VCL: variants seen among roughly 807,000 people sequenced by gnomAD.
VCL encodes vinculin.
A neutral mutation model predicts 125.7 loss-of-function variants in VCL; 47 were observed. The ratio of observed to expected loss-of-function variants is 0.37; its 90% CI spans 0.30 to 0.48. VCL has a LOEUF of 0.48. Ranked by LOEUF, VCL falls within the 20% of genes least tolerant of loss-of-function variation. The probability of loss-of-function intolerance (pLI) is 0.99; values close to 1 mark genes in which losing one functional copy is unlikely to be tolerated. For missense variants in VCL, 1,069 were observed against 1,455.5 expected (o/e 0.73, Z 4.32); for synonymous variants, 458 against 514.6 (o/e 0.89, Z 1.49).
In VCL at chr10:74,043,077, T is replaced by C; in HGVS notation, c.169-6T>C. On this transcript the variant is annotated splice_region_variant and splice_polypyrimidine_tract_variant and intron_variant, in intron 1 of 21. Transcript: ENST00000211998. ...ATTTGAATTATGATTTTTTTTCCTC[T>C]TGTAGGTTGGAAAAGAGACTGTTCA... 6.2e-7 allele frequency: 1 copy of C among 1,612,314 alleles called. No homozygotes were observed. The highest frequency in any genetic ancestry group is 8.5e-7 in the Non-Finnish European group (1 of 1,178,830).
At chr10:74,024,365 T>C (rs1164555503) in intron 1 of VCL, among the ~76,000 whole-genome samples, 2 of 152,126 alleles carry the variant, frequency 1.3e-5, no homozygotes, top group African/African-American at 2.4e-5. Flanking sequence ...AATCCCAGCA[T>C]TTTGGGAGGC....
intron 18 of VCL, among the ~76,000 whole-genome samples, chr10:74,110,810 A>C (rs1272417203): frequency 6.6e-6 from 1 of 152,164 alleles, no homozygotes; most frequent in African/African-American, 2.4e-5. Context: ...CTTTGTATAA[A>C]TGGTTTGGCT....
intron 5 of VCL, 129 bp downstream of exon 5, chr10:74,072,981 G>GC: frequency 7.3e-7 from 1 of 1,378,048 alleles, no homozygotes; most frequent in Non-Finnish European, 9.8e-7. Context: ...TCACTCTGTT[G>GC]CCAGGCTGGA....
chr10:74,065,840 G>C (rs890556436), intron 2 of VCL, among the ~76,000 whole-genome samples: 20 of 151,936 alleles, frequency 1.3e-4, no homozygotes, highest in Non-Finnish European at 4.4e-5. Context: ...AAAGCAGTTT[G>C]TCATTCCCTG....
intron 1 of VCL, among the ~76,000 whole-genome samples, chr10:74,028,571 A>ATT (rs572914076): frequency 1.3e-3 from 196 of 151,734 alleles, no homozygotes; most frequent in African/African-American, 4.4e-3. Flanking sequence ...TAATTTTTGT[A>ATT]TTTTTAATAG....
chr10:74,062,629 G>A (rs934023027), intron 2 of VCL, among the ~76,000 whole-genome samples: 3 of 152,092 alleles, frequency 2.0e-5, no homozygotes, highest in Admixed American at 2.0e-4. Flanking sequence ...CTGTCACCCA[G>A]TATGGGATGT....
chr10:74,091,413 T>C (rs1839881689), intron 10 of VCL, among the ~76,000 whole-genome samples: 1 of 152,142 alleles, frequency 6.6e-6, no homozygotes, highest in Non-Finnish European at 1.5e-5. Flanking sequence ...ATCAGAATCA[T>C]GTTAAAGACC....
chr10:74,002,326 T>C (rs1840241642), intron 1 of VCL, among the ~76,000 whole-genome samples: 2 of 150,052 alleles, frequency 1.3e-5, no homozygotes, highest in South Asian at 4.3e-4. Context: ...GGTTTCTCCA[T>C]GTTGGTTAGG....
At chr10:74,103,554 T>C (rs142442870) in intron 14 of VCL, among the ~76,000 whole-genome samples, 1 of 152,362 alleles carries the variant, frequency 6.6e-6, no homozygotes, top group Non-Finnish European at 1.5e-5. Context: ...GTGTATGTTC[T>C]TCTGAAGTAT....
chr10:74,083,104 A>G (rs1387024279), intron 7 of VCL, among the ~76,000 whole-genome samples: 2 of 152,356 alleles, frequency 1.3e-5, no homozygotes, highest in Admixed American at 6.5e-5. Context: ...GTCTGTTTTC[A>G]TCATCCATAT....
chr10:74,035,162 T>G (rs929960809), intron 1 of VCL, among the ~76,000 whole-genome samples: 1 of 152,170 alleles, frequency 6.6e-6, no homozygotes, highest in East Asian at 1.9e-4. Flanking sequence ...TGTCTTTCTG[T>G]TTTCTTGTAC....
intron 1 of VCL, among the ~76,000 whole-genome samples, chr10:74,010,656 AAAAC>A (rs759259063): frequency 4.9e-4 from 74 of 152,078 alleles, no homozygotes; most frequent in Non-Finnish European, 9.9e-4. Context: ...TTTAAAAAAA[AAAAC>A]AAACAAAAAC....
At chr10:74,074,951 G>GC in intron 6 of VCL, 48 bp downstream of exon 6, 1 of 1,613,378 alleles carries the variant, frequency 6.2e-7, no homozygotes, top group Admixed American at 1.7e-5. Flanking sequence ...ACTCTCCCTG[G>GC]CTGGGGGTTT....
chr10:74,117,748 C>A (rs71579381), intron 21 of VCL, among the ~76,000 whole-genome samples: 274 of 152,256 alleles, frequency 1.8e-3, no homozygotes, highest in Non-Finnish European at 3.0e-3. Flanking sequence ...AAGAGCAGTC[C>A]AGGTACAGGA....
chr10:74,100,885 T>G, intron 13 of VCL, 63 bp from the exon 14 acceptor site: 1 of 1,604,368 alleles, frequency 6.2e-7, no homozygotes, highest in African/African-American at 1.3e-5. Flanking sequence ...ATGAAACTTT[T>G]TCTTAGGCTG....
intron 14 of VCL, 89 bp from the exon 15 acceptor site, chr10:74,103,731 C>T (rs1258009570): frequency 2.4e-6 from 3 of 1,231,002 alleles, no homozygotes; most frequent in Non-Finnish European, 3.6e-6. Flanking sequence ...ACAGTGCCAT[C>T]TGTAGGTAAA....
chr10:74,002,472 G>A (rs1840244676), intron 1 of VCL, among the ~76,000 whole-genome samples: 1 of 152,182 alleles, frequency 6.6e-6, no homozygotes, highest in Non-Finnish European at 1.5e-5. Flanking sequence ...ATGATGGAAA[G>A]TCAGAGGAAG....
At chr10:74,062,035 C>T (rs1564520925) in intron 2 of VCL, among the ~76,000 whole-genome samples, 1 of 151,502 alleles carries the variant, frequency 6.6e-6, no homozygotes, top group Admixed American at 6.6e-5. Context: ...GTAGCTGGGG[C>T]TACAGGCGCA....
At chr10:74,070,346 C>G (rs1243612137) in intron 2 of VCL, among the ~76,000 whole-genome samples, 1 of 151,996 alleles carries the variant, frequency 6.6e-6, no homozygotes, top group Non-Finnish European at 1.5e-5. Context: ...GTCAAAGAGC[C>G]CAGATGTTTT....
Sources: gnomAD v4.1 joint callset for allele counts (sites outside exome capture counted in the v4.1 genomes callset) on GRCh38, gnomAD v4.1.1 for gene constraint, MANE v1.5 for transcripts, NCBI Gene and HGNC (gene_info 2026-07-23, HGNC 2026-07-21) for gene names.